The following MAGI2 variants were observed in gnomAD, a reference collection of about 807,000 sequenced individuals.
MAGI2 encodes the protein membrane-associated guanylate kinase, WW and PDZ domain-containing protein 2.
In MAGI2, 35 loss-of-function variants were observed where a neutral mutation model predicts 133.3. The observed-to-expected ratio is 0.26, with a 90% confidence interval of 0.20 to 0.35. MAGI2 has a LOEUF of 0.35. MAGI2 is among the 10% of genes least tolerant of loss of function. The probability of loss-of-function intolerance (pLI) is 1.00; values close to 1 mark genes in which losing one functional copy is unlikely to be tolerated. For synonymous variants in MAGI2, 729 were observed against 710.6 expected (o/e 1.03, Z -0.41); for missense variants, 1,636 against 1,863.4 (o/e 0.88, Z 2.25).
intron 3 of MAGI2, among the ~76,000 whole-genome samples, chr7:78,626,311 A>T (rs1808337551): frequency 6.6e-6 from 1 of 152,184 alleles, no homozygotes; most frequent in Admixed American, 6.6e-5. Context: ...TATAAACTAG[A>T]TGCATATAAA....
intron 1 of MAGI2, among the ~76,000 whole-genome samples, chr7:79,444,399 G>T (rs1406093464): frequency 6.6e-6 from 1 of 152,150 alleles, no homozygotes; most frequent in Non-Finnish European, 1.5e-5. Flanking sequence ...TGACATGATT[G>T]TATATCAGAA....
At chr7:78,345,016 T>C (rs1362523419) in intron 8 of MAGI2, among the ~76,000 whole-genome samples, 1 of 152,216 alleles carries the variant, frequency 6.6e-6, no homozygotes, top group Non-Finnish European at 1.5e-5. Context: ...GGTAACTCAG[T>C]TAAGTATTCT....
intron 2 of MAGI2, among the ~76,000 whole-genome samples, chr7:78,665,269 A>G (rs1813426355): frequency 6.6e-6 from 1 of 152,160 alleles, no homozygotes; most frequent in Admixed American, 6.6e-5. Flanking sequence ...ATAAAAAAAC[A>G]ATTTTCATAC....
chr7:78,818,781 C>T (rs1332444010), intron 2 of MAGI2, among the ~76,000 whole-genome samples: 1 of 151,992 alleles, frequency 6.6e-6, no homozygotes, highest in East Asian at 1.9e-4. Context: ...CAATCTTATC[C>T]TTTTGTAGTT....
chr7:79,122,641 T>C (rs914898390), intron 1 of MAGI2, among the ~76,000 whole-genome samples: 1 of 152,246 alleles, frequency 6.6e-6, no homozygotes. Flanking sequence ...AAGATTTTAA[T>C]ATATTACTTT....
intron 14 of MAGI2, among the ~76,000 whole-genome samples, chr7:78,173,881 A>G (rs1309722456): frequency 6.6e-6 from 1 of 152,234 alleles, no homozygotes; most frequent in Non-Finnish European, 1.5e-5. Flanking sequence ...GTTGTCATGG[A>G]GAAAGGCAAG....
At chr7:78,159,267 A>G (rs1381950896) in intron 16 of MAGI2, among the ~76,000 whole-genome samples, 1 of 152,226 alleles carries the variant, frequency 6.6e-6, no homozygotes, top group African/African-American at 2.4e-5. Context: ...CAAAGTCACC[A>G]GTGTCTCTGA....
intron 2 of MAGI2, among the ~76,000 whole-genome samples, chr7:78,944,036 A>G (rs1801200819): frequency 1.3e-5 from 2 of 152,214 alleles, no homozygotes; most frequent in Non-Finnish European, 2.9e-5. Flanking sequence ...CTTGGCTTAT[A>G]GTAGGTGTGA....
intron 2 of MAGI2, among the ~76,000 whole-genome samples, chr7:78,888,050 C>T (rs374541820): frequency 1.5e-4 from 23 of 152,304 alleles, no homozygotes; most frequent in African/African-American, 3.4e-4. Flanking sequence ...ACTTTTCCAA[C>T]GGTCTTAGCA....
At chr7:78,716,258 C>T (rs914814164) in intron 2 of MAGI2, among the ~76,000 whole-genome samples, 1 of 151,966 alleles carries the variant, frequency 6.6e-6, no homozygotes, top group South Asian at 2.1e-4. Context: ...TTAATTTTAC[C>T]CTTTCTTCCA....
At chr7:79,074,954 T>C (rs1384438403) in intron 1 of MAGI2, among the ~76,000 whole-genome samples, 1 of 152,210 alleles carries the variant, frequency 6.6e-6, no homozygotes, top group Non-Finnish European at 1.5e-5. Context: ...GGTATAATGG[T>C]TCAAATATTT....
chr7:78,654,596 T>G (rs117704610), intron 2 of MAGI2, among the ~76,000 whole-genome samples: 2,351 of 151,078 alleles, frequency 0.016, 30 homozygotes, highest in Non-Finnish European at 0.02. Flanking sequence ...ACTTTTCCCC[T>G]ACCTAACAGA....
At chr7:79,426,428 C>T (rs1409539660) in intron 1 of MAGI2, among the ~76,000 whole-genome samples, 2 of 152,070 alleles carry the variant, frequency 1.3e-5, no homozygotes, top group African/African-American at 4.8e-5. Flanking sequence ...TAATATATTA[C>T]ACTATGCCAA....
chr7:78,372,280 G>A (rs1255099951), intron 6 of MAGI2, among the ~76,000 whole-genome samples: 1 of 152,050 alleles, frequency 6.6e-6, no homozygotes, highest in Non-Finnish European at 1.5e-5. Context: ...ACATCTAGAT[G>A]ATGAAAAATG....
intron 16 of MAGI2, among the ~76,000 whole-genome samples, chr7:78,140,027 T>C (rs1822581748): frequency 6.6e-6 from 1 of 152,200 alleles, no homozygotes; most frequent in Admixed American, 6.5e-5. Context: ...TTGGGGTCTG[T>C]AGCCACATCA....
At chr7:79,317,925 T>G (rs1053911757) in intron 1 of MAGI2, among the ~76,000 whole-genome samples, 1 of 152,152 alleles carries the variant, frequency 6.6e-6, no homozygotes, top group Non-Finnish European at 1.5e-5. Context: ...GCTTCCTAAT[T>G]CTCCAGCTTT....
chr7:78,431,348 T>A (rs1374828547), intron 6 of MAGI2, among the ~76,000 whole-genome samples: 1 of 151,770 alleles, frequency 6.6e-6, no homozygotes, highest in African/African-American at 2.4e-5. Context: ...AGCTAATACC[T>A]GCTATTTAGG....
At chr7:78,199,110 T>G (rs558757015) in intron 11 of MAGI2, among the ~76,000 whole-genome samples, 1 of 152,228 alleles carries the variant, frequency 6.6e-6, no homozygotes, top group Admixed American at 6.5e-5. Flanking sequence ...CTATTTAGAG[T>G]TTGTGTTACC....
At chr7:79,249,984 A>G (rs191116691) in intron 1 of MAGI2, among the ~76,000 whole-genome samples, 40 of 152,282 alleles carry the variant, frequency 2.6e-4, no homozygotes, top group African/African-American at 8.4e-4. Context: ...TTGGAAGCAA[A>G]GATGGTTCAG....
Sources: gnomAD v4.1 joint callset for allele counts (sites outside exome capture counted in the v4.1 genomes callset) on GRCh38, gnomAD v4.1.1 for gene constraint, MANE v1.5 for transcripts, NCBI Gene and HGNC (gene_info 2026-07-23, HGNC 2026-07-21) for gene names.